Variants in TTLL7 observed in about 807,000 individuals in gnomAD.
TTLL7 encodes tubulin polyglutamylase TTLL7.
A neutral mutation model predicts 120.2 loss-of-function variants in TTLL7; 53 were observed. The ratio of observed to expected loss-of-function variants is 0.44; its 90% CI spans 0.35 to 0.55. The LOEUF (loss-of-function observed/expected upper bound fraction) is 0.55. Among genes scored for constraint, TTLL7 ranks in the 20% least tolerant of loss-of-function variants. TTLL7 has a pLI of 0.00. For missense variants in TTLL7, 803 were observed against 1,054.7 expected (o/e 0.76, Z 3.31); for synonymous variants, 353 against 351.7 (o/e 1.00, Z -0.04).
intron 1 of TTLL7, among the ~76,000 whole-genome samples, chr1:83,962,751 T>C (rs552961132): frequency 6.6e-5 from 10 of 152,236 alleles, no homozygotes; most frequent in African/African-American, 2.4e-4. Flanking sequence ...AGACAATCAG[T>C]GGACACTCAT....
At chr1:83,925,166 A>G (rs1414212331) in intron 10 of TTLL7, among the ~76,000 whole-genome samples, 4 of 152,216 alleles carry the variant, frequency 2.6e-5, no homozygotes, top group African/African-American at 9.6e-5. Context: ...ATATCAATCA[A>G]ATAGATACCT....
rs533784203 is a variant in TTLL7, at chr1:83,932,799, C to T, written c.1047+809G>A. Among the ~76,000 whole-genome samples, 32 of 152,162 alleles carry T rather than the reference C, an allele frequency of 2.1e-4. 1 individual carries two copies. The highest frequency in any genetic ancestry group is 1.4e-3 in the East Asian group (7 of 5,168). On this transcript the variant is annotated intron_variant, in intron 9 of 20. Transcript: ENST00000260505. ...TTCTACAGCTGTATGTTCCTGATTA[C>T]GTTTCCAAAACATGATATTTAAGCG...
chr1:83,961,324 C>T (rs1307365855), intron 1 of TTLL7, among the ~76,000 whole-genome samples: 1 of 151,760 alleles, frequency 6.6e-6, no homozygotes, highest in Non-Finnish European at 1.5e-5. Context: ...AAATTTAATC[C>T]CATAAAAATT....
At chr1:83,995,825 T>A (rs1653428577) in intron 1 of TTLL7, among the ~76,000 whole-genome samples, 2 of 152,184 alleles carry the variant, frequency 1.3e-5, no homozygotes, top group South Asian at 4.1e-4. Context: ...ACAGTGCTAT[T>A]ATTATCATCA....
In TTLL7 at chr1:83,998,962, C is replaced by T; in HGVS notation, c.-208G>A. The T allele has an allele frequency of 2.3e-6, 1 of 433,750 alleles. No individual in the cohort carries two copies. The highest frequency in any genetic ancestry group is 4.6e-6 in the Non-Finnish European group (1 of 217,712). The allele number at this position is 433,750 out of a possible 1,614,324, so 26.9% of individuals were successfully genotyped here. A position where few individuals can be genotyped will look rare whatever the true frequency, so the allele number is the denominator to read the frequency against. ...GAGGAAAGCCCAGCCCGGGTCCTCG[C>T]GTCCCCGCTGCAAGCGGTCCCCCAG... On this transcript the variant is annotated 5_prime_UTR_variant, in exon 1 of 21. Transcript: ENST00000260505.
At chr1:83,929,810 G>A (rs1335474673) in intron 9 of TTLL7, among the ~76,000 whole-genome samples, 1 of 152,112 alleles carries the variant, frequency 6.6e-6, no homozygotes, top group African/African-American at 2.4e-5. Context: ...TGGAATAGCT[G>A]ATGTTTAAGA....
chr1:83,912,200 A>G (rs1358338620), intron 14 of TTLL7, among the ~76,000 whole-genome samples: 2 of 152,146 alleles, frequency 1.3e-5, no homozygotes, highest in Non-Finnish European at 1.5e-5. Flanking sequence ...TGGAGGAAGG[A>G]TAAATTTCTC....
At chr1:83,924,849 G>A (rs1044544984) in intron 10 of TTLL7, among the ~76,000 whole-genome samples, 1 of 152,118 alleles carries the variant, frequency 6.6e-6, no homozygotes, top group African/African-American at 2.4e-5. Context: ...CCACAAAAGA[G>A]TTCTTAGAAA....
chr1:83,991,909 G>GTTATATTA (rs1653037522), intron 1 of TTLL7, among the ~76,000 whole-genome samples: 4 of 152,002 alleles, frequency 2.6e-5, no homozygotes, highest in Admixed American at 1.3e-4. Context: ...ATTATTCTAA[G>GTTATATTA]TCCTTGTAGG....
intron 1 of TTLL7, among the ~76,000 whole-genome samples, chr1:83,961,387 C>CAAAT (rs1480530036): frequency 6.6e-6 from 1 of 152,006 alleles, no homozygotes; most frequent in East Asian, 1.9e-4. Context: ...TGGAAAAAGG[C>CAAAT]AAATGTATAG....
At chr1:83,950,139 T>A (rs532849011) in intron 3 of TTLL7, among the ~76,000 whole-genome samples, 153 bp from the exon 4 acceptor site, 248 of 152,324 alleles carry the variant, frequency 1.6e-3, no homozygotes, top group African/African-American at 5.5e-3. Context: ...AACAGTTTTA[T>A]CTAGGGCCAA....
Position 83,869,935 on chromosome 1 carries a change from T to C in TTLL7, c.*27A>G, listed in dbSNP as rs1161827883. 1 of 1,594,354 alleles carries C rather than the reference T, an allele frequency of 6.3e-7. No homozygotes were observed. Among genetic ancestry groups the C allele is most frequent in the Non-Finnish European group, 8.5e-7 (1 of 1,174,476 alleles). On this transcript the variant is annotated 3_prime_UTR_variant, in exon 21 of 21. Coordinates refer to ENST00000260505, the MANE Select transcript of TTLL7 (RefSeq NM_024686.6). ...GAAAAAAATGAATTGCTGTTATGTA[T>C]AACCAATGGCGATCTTCCCTTCTGT...
chr1:83,903,523 C>CA (rs1557597230), intron 18 of TTLL7, among the ~76,000 whole-genome samples: 2 of 151,982 alleles, frequency 1.3e-5, no homozygotes, highest in Non-Finnish European at 2.9e-5. Context: ...CATGGATGCT[C>CA]AAGTCCATGA....
intron 1 of TTLL7, among the ~76,000 whole-genome samples, chr1:83,989,760 TG>T (rs1404614812): frequency 6.6e-6 from 1 of 152,238 alleles, no homozygotes; most frequent in Non-Finnish European, 1.5e-5. Flanking sequence ...TAGACTGCTT[TG>T]GGCAGTATGG....
chr1:83,995,654 G>C (rs920562989), intron 1 of TTLL7, among the ~76,000 whole-genome samples: 2 of 151,972 alleles, frequency 1.3e-5, no homozygotes, highest in African/African-American at 4.8e-5. Context: ...AGCAATGCAA[G>C]AATGGCCTAA....
chr1:83,898,706 G>C (rs1656453449), intron 18 of TTLL7, among the ~76,000 whole-genome samples: 1 of 151,634 alleles, frequency 6.6e-6, no homozygotes, highest in Non-Finnish European at 1.5e-5. Context: ...ACTTCAGGTA[G>C]GGAAGAGGTG....
chr1:83,893,769 C>T (rs970328982), intron 18 of TTLL7, among the ~76,000 whole-genome samples: 4 of 152,076 alleles, frequency 2.6e-5, no homozygotes, highest in African/African-American at 9.7e-5. Flanking sequence ...AGCAGCATTC[C>T]TTCCTTTCCT....
chr1:83,881,271 G>C (rs34343190), intron 20 of TTLL7, among the ~76,000 whole-genome samples: 74,232 of 147,020 alleles, frequency 0.5, 19,452 homozygotes, highest in Non-Finnish European at 0.58. Context: ...AGCTTCTGCA[G>C]AGCAAAAGAA....
intron 20 of TTLL7, 72 bp downstream of exon 20, chr1:83,882,891 T>C: frequency 6.6e-7 from 1 of 1,522,586 alleles, no homozygotes; most frequent in African/African-American, 1.4e-5. Context: ...AAAAAAACAC[T>C]GTCAATTTCA....
Sources: gnomAD v4.1 joint callset for allele counts (sites outside exome capture counted in the v4.1 genomes callset) on GRCh38, gnomAD v4.1.1 for gene constraint, MANE v1.5 for transcripts, NCBI Gene and HGNC (gene_info 2026-07-23, HGNC 2026-07-21) for gene names.